NHS: variants seen among roughly 807,000 people sequenced by gnomAD.
The protein encoded by NHS is actin remodeling regulator NHS.
Under a neutral mutation model 72.5 loss-of-function variants are expected in NHS, and 5 were observed. The observed-to-expected ratio is 0.07, with a 90% confidence interval of 0.04 to 0.14. The LOEUF (loss-of-function observed/expected upper bound fraction) is 0.14. Ranked by LOEUF, NHS falls within the 10% of genes least tolerant of loss-of-function variation. The pLI is 1.00. For missense variants in NHS, 1,072 were observed against 1,355.7 expected (o/e 0.79, Z 3.29); for synonymous variants, 464 against 547.7 (o/e 0.85, Z 2.13).
intron 1 of NHS, among the ~76,000 whole-genome samples, chrX:17,568,957 T>C (rs909728911): frequency 9.1e-6 from 1 of 110,435 alleles, no homozygotes; most frequent in African/African-American, 3.3e-5. Flanking sequence ...AGAATGATGG[T>C]TTCCAGCTTC....
intron 1 of NHS, among the ~76,000 whole-genome samples, chrX:17,444,589 T>G (rs2064770209): frequency 1.8e-5 from 2 of 111,874 alleles, no homozygotes; most frequent in South Asian, 7.5e-4. Context: ...CAGCCAAAGT[T>G]GGGGAGCACT....
intron 1 of NHS, among the ~76,000 whole-genome samples, chrX:17,444,302 G>A (rs1409991915): frequency 4.5e-5 from 5 of 111,834 alleles, no homozygotes; most frequent in African/African-American, 1.6e-4. Flanking sequence ...ACTAGGCCAG[G>A]TTGGGTCAGG....
chrX:17,424,124 G>A (rs914923577), intron 1 of NHS, among the ~76,000 whole-genome samples: 1 of 112,179 alleles, frequency 8.9e-6, no homozygotes, highest in Admixed American at 9.4e-5. Context: ...ATCAAACCAG[G>A]CCACCTTGAG....
Position 17,540,691 on chromosome X carries a change from A to G in NHS, c.566-147051A>G, listed in dbSNP as rs947102962. ...GAACTTGGGAAAATTAATTTCACTT[A>G]TCTGAACTCTGGTTAGGGCAAAACA... On this transcript the variant is annotated intron_variant, in intron 1 of 8. Coordinates refer to ENST00000676302, the MANE Select transcript of NHS (RefSeq NM_001291867.2). Among the ~76,000 whole-genome samples the G allele has an allele frequency of 2.7e-5, 3 of 112,412 alleles. No homozygotes were observed. In the South Asian group the frequency reaches 1.1e-3, roughly 42 times the overall value.
chrX:17,628,239 C>T (rs1023003785), intron 1 of NHS, among the ~76,000 whole-genome samples: 1 of 112,329 alleles, frequency 8.9e-6, no homozygotes, highest in African/African-American at 3.2e-5. Flanking sequence ...TGGAAGGTTC[C>T]CAATTGAGAG....
intron 1 of NHS, among the ~76,000 whole-genome samples, chrX:17,615,205 T>C (rs866437679): frequency 1.6e-4 from 14 of 88,740 alleles, no homozygotes; most frequent in African/African-American, 6.9e-4. Flanking sequence ...CATATATACG[T>C]ATATATATAC....
At chrX:17,625,980 A>G (rs900822441) in intron 1 of NHS, among the ~76,000 whole-genome samples, 2 of 112,305 alleles carry the variant, frequency 1.8e-5, no homozygotes, top group African/African-American at 6.5e-5. Flanking sequence ...TTGAAAAAGT[A>G]GATTCACAAA....
chrX:17,580,221 T>C (rs1445369361), intron 1 of NHS, among the ~76,000 whole-genome samples: 1 of 111,152 alleles, frequency 9.0e-6, no homozygotes, highest in Non-Finnish European at 1.9e-5. Context: ...TGTAGAGCTA[T>C]CATAAAACCC....
At chrX:17,433,545 G>A (rs2064705246) in intron 1 of NHS, among the ~76,000 whole-genome samples, 2 of 110,809 alleles carry the variant, frequency 1.8e-5, no homozygotes, top group Admixed American at 1.9e-4. Flanking sequence ...TCAGAGCAGA[G>A]TTAGTCCACA....
intron 1 of NHS, among the ~76,000 whole-genome samples, chrX:17,626,537 G>A (rs1464003757): frequency 8.9e-6 from 1 of 112,151 alleles, no homozygotes; most frequent in Non-Finnish European, 1.9e-5. Flanking sequence ...TCAATGGGAT[G>A]ACACTATGGA....
chrX:17,541,678 C>T (rs990462305), intron 1 of NHS, among the ~76,000 whole-genome samples: 1 of 109,962 alleles, frequency 9.1e-6, no homozygotes, highest in African/African-American at 3.3e-5. Context: ...CTTTGATGGG[C>T]TTTCAGCGGC....
At chrX:17,569,178 C>A (rs138825404) in intron 1 of NHS, among the ~76,000 whole-genome samples, 2,117 of 111,740 alleles carry the variant, frequency 0.019, 50 homozygotes, top group African/African-American at 0.066. Flanking sequence ...TGAGTATATG[C>A]CCAGTAATGG....
rs1216194040 is a variant in NHS at position 17,712,253 on chromosome X, GTATATATATATATATATATA to G, written c.853-7072_853-7053del. On this transcript the variant is annotated intron_variant, in intron 3 of 8. Coordinates refer to ENST00000676302, the MANE Select transcript of NHS (RefSeq NM_001291867.2). ...ATGCTTATTGGCCTTTTGTGTGTGT[GTATATATATATATATATATA>G]TATATATATATATATATACACACAC... Among the ~76,000 whole-genome samples the G allele has an allele frequency of 6.2e-4, 31 of 50,150 alleles. 1 individual carries two copies. The highest frequency in any genetic ancestry group is 6.3e-4 in the Admixed American group (2 of 3,165). 43.5% of individuals were successfully genotyped at this position (50,150 alleles called of 115,157 possible).
chrX:17,659,053 C>G (rs1211820699), intron 1 of NHS, among the ~76,000 whole-genome samples: 1 of 112,390 alleles, frequency 8.9e-6, no homozygotes, highest in African/African-American at 3.2e-5. Context: ...ATGAATCTAC[C>G]ATTCCCTAGG....
chrX:17,382,308 T>C (rs778432988), intron 1 of NHS, among the ~76,000 whole-genome samples: 2 of 112,106 alleles, frequency 1.8e-5, no homozygotes, highest in East Asian at 5.6e-4. Flanking sequence ...GAGTCATTTG[T>C]CAGCTGTATG....
chrX:17,560,658 A>C (rs1414094625), intron 1 of NHS, among the ~76,000 whole-genome samples: 1 of 112,357 alleles, frequency 8.9e-6, no homozygotes, highest in African/African-American at 3.2e-5. Flanking sequence ...GGACATATAA[A>C]CACACTTCAA....
rs186587681 is a variant in NHS at position 17,689,941 on chromosome X, G to A, written c.718+2047G>A. Among the ~76,000 whole-genome samples the A allele has an allele frequency of 8.9e-5, 10 of 112,151 alleles. No individual in the cohort carries two copies. In the East Asian group the frequency reaches 1.4e-3, roughly 16 times the overall value. On this transcript the variant is annotated intron_variant, in intron 2 of 8. Transcript: ENST00000676302. ...ACTATCACATTTCACTGCTTTGTCA[G>A]GTTTAGACTTAAAGCAGAACTGAAG...
chrX:17,637,019 C>T (rs916066415), intron 1 of NHS, among the ~76,000 whole-genome samples: 1 of 111,518 alleles, frequency 9.0e-6, no homozygotes, highest in Non-Finnish European at 1.9e-5. Context: ...GAGTGGGTCC[C>T]GATAACAGTG....
intron 3 of NHS, among the ~76,000 whole-genome samples, chrX:17,712,069 C>A (rs1029437584): frequency 1.9e-5 from 2 of 106,398 alleles, no homozygotes; most frequent in African/African-American, 6.8e-5. Flanking sequence ...CAAAGCTACA[C>A]CATTTTACAC....
Sources: allele counts gnomAD v4.1 joint callset (sites outside exome capture counted in the v4.1 genomes callset), GRCh38; gene constraint gnomAD v4.1.1; transcripts MANE v1.5; gene names NCBI Gene and HGNC (gene_info 2026-07-23, HGNC 2026-07-21).